Variants in MAP2K1 observed in about 807,000 individuals in gnomAD.
MAP2K1 encodes dual specificity mitogen-activated protein kinase kinase 1.
In MAP2K1, 16 loss-of-function variants were observed where a neutral mutation model predicts 46.3. The ratio of observed to expected loss-of-function variants is 0.35; its 90% confidence interval spans 0.23 to 0.52. The LOEUF (loss-of-function observed/expected upper bound fraction) is 0.52, where lower values mean the gene tolerates loss of function less well. MAP2K1 is among the 20% of genes least tolerant of loss of function. MAP2K1 has a pLI of 0.94. For synonymous variants in MAP2K1, 183 were observed against 185.6 expected (o/e 0.99, Z 0.11); for missense variants, 263 against 497.1 (o/e 0.53, Z 4.48).
At chr15:66,473,026 C>T (rs980733359) in intron 5 of MAP2K1, among the ~76,000 whole-genome samples, 12 of 152,196 alleles carry the variant, frequency 7.9e-5, no homozygotes, top group African/African-American at 1.9e-4. Context: ...AGCTAACTTC[C>T]GTTTCTTGAA....
At chr15:66,469,721 C>CACACACACACACACACACACACAT (rs1567021045) in intron 5 of MAP2K1, among the ~76,000 whole-genome samples, 7 of 144,620 alleles carry the variant, frequency 4.8e-5, no homozygotes, top group Non-Finnish European at 9.2e-5. Context: ...CACACACACA[C>CACACACACACACACACACACACAT]ACATATCGGA....
intron 1 of MAP2K1, among the ~76,000 whole-genome samples, chr15:66,396,451 G>A (rs914227757): frequency 3.3e-5 from 5 of 151,670 alleles, no homozygotes; most frequent in African/African-American, 9.7e-5. Flanking sequence ...TTTATTTTTA[G>A]TAGAGACAGG....
Position 66,415,467 on chromosome 15 carries a change from GC to G in MAP2K1, c.81-19557del, listed in dbSNP as rs372122825. Among the ~76,000 whole-genome samples the G allele has an allele frequency of 1.9e-3, 293 of 152,294 alleles. 1 individual carries two copies. The highest frequency in any genetic ancestry group is 6.9e-3 in the African/African-American group (285 of 41,572). ...TGTGGTAAGTCAGATCCCTCTGGAT[GC>G]CCAGCCAGAAACCTGGCATCACCCT... On this transcript the variant is annotated intron_variant, in intron 1 of 10. Transcript: ENST00000307102.
chr15:66,447,416 G>A (rs929865350), intron 5 of MAP2K1, among the ~76,000 whole-genome samples: 4 of 152,036 alleles, frequency 2.6e-5, no homozygotes, highest in Non-Finnish European at 5.9e-5. Context: ...TTAGCTGGGC[G>A]TAGTGGCTCA....
In MAP2K1 at chr15:66,489,023, A is replaced by G. The variant is rs193069195; in HGVS notation, c.961-192A>G. The G allele has an allele frequency of 4.8e-4, 303 of 634,206 alleles. 6 individuals are homozygous for G. The East Asian group carries it at 7.9e-3, about 17-fold the overall frequency. The allele number at this position is 634,206 out of a possible 1,614,324, so 39.3% of individuals were successfully genotyped here. ...GCTATTTGAGATCAGTGGTTCCAAC[A>G]TGGTTACCCAACAGGCAGCACTGGC... On this transcript the variant is annotated intron_variant, in intron 8 of 10. Coordinates refer to ENST00000307102, the MANE Select transcript of MAP2K1 (RefSeq NM_002755.4).
chr15:66,437,040 A>G (rs375836705), intron 3 of MAP2K1, 148 bp downstream of exon 3: 5 of 857,496 alleles, frequency 5.8e-6, no homozygotes, highest in South Asian at 5.5e-5. Context: ...GTCTAACTGT[A>G]GAGCTTGGGA....
chr15:66,444,355 G>GA (rs1235512545), intron 4 of MAP2K1, among the ~76,000 whole-genome samples: 2 of 150,694 alleles, frequency 1.3e-5, no homozygotes, highest in African/African-American at 4.9e-5. Context: ...CAAACATGGA[G>GA]AAACCCCATC....
chr15:66,443,673 C>T (rs1891781643), intron 4 of MAP2K1, among the ~76,000 whole-genome samples: 1 of 152,066 alleles, frequency 6.6e-6, no homozygotes, highest in Non-Finnish European at 1.5e-5. Context: ...GAGTTCAACT[C>T]CAGCCTGGGC....
chr15:66,489,673 ACCAGTG>A, intron 9 of MAP2K1, 39 bp from the exon 10 acceptor site: 1 of 1,470,596 alleles, frequency 6.8e-7, no homozygotes, highest in Non-Finnish European at 9.5e-7. Flanking sequence ...TTGAGCTAGA[ACCAGTG>A]CCAGGCAACA....
chr15:66,404,802 A>G (rs1380345943), intron 1 of MAP2K1, among the ~76,000 whole-genome samples: 1 of 152,158 alleles, frequency 6.6e-6, no homozygotes, highest in Non-Finnish European at 1.5e-5. Flanking sequence ...AGCGGAAATC[A>G]GTGGTTCCTG....
At chr15:66,408,312 G>A (rs1015628502) in intron 1 of MAP2K1, among the ~76,000 whole-genome samples, 5 of 152,120 alleles carry the variant, frequency 3.3e-5, no homozygotes, top group East Asian at 1.9e-4. Context: ...AGACAACACC[G>A]GGCATACTTG....
At chr15:66,441,855 T>C (rs2093504857) in intron 3 of MAP2K1, among the ~76,000 whole-genome samples, 2 of 152,202 alleles carry the variant, frequency 1.3e-5, no homozygotes, top group South Asian at 4.1e-4. Context: ...AGAAAATTTG[T>C]TTTGAGTTTT....
intron 1 of MAP2K1, among the ~76,000 whole-genome samples, chr15:66,421,838 A>T (rs1439121866): frequency 6.7e-6 from 1 of 149,504 alleles, no homozygotes; most frequent in African/African-American, 2.4e-5. Context: ...AACCAATTCT[A>T]TACCATTGTT....
chr15:66,390,647 A>G (rs900115639), intron 1 of MAP2K1, among the ~76,000 whole-genome samples: 1 of 152,202 alleles, frequency 6.6e-6, no homozygotes, highest in Admixed American at 6.5e-5. Context: ...GCATATTACT[A>G]GGGTCTTAAG....
intron 6 of MAP2K1, among the ~76,000 whole-genome samples, chr15:66,482,692 TGTG>T (rs1201131394): frequency 1.3e-5 from 2 of 152,122 alleles, no homozygotes; most frequent in Non-Finnish European, 2.9e-5. Flanking sequence ...GGGCCTGGCA[TGTG>T]GTAGGTGTTC....
intron 5 of MAP2K1, among the ~76,000 whole-genome samples, chr15:66,463,528 G>A (rs1799296693): frequency 1.3e-5 from 2 of 152,166 alleles, no homozygotes; most frequent in Non-Finnish European, 2.9e-5. Flanking sequence ...TGTTGCCCAA[G>A]CTGGAGTGCA....
intron 1 of MAP2K1, among the ~76,000 whole-genome samples, chr15:66,420,787 ATGTGTG>A (rs530839444): frequency 3.3e-4 from 16 of 48,748 alleles, no homozygotes; most frequent in South Asian, 9.6e-4. Context: ...GTGTATATAT[ATGTGTG>A]TATATATATG....
intron 1 of MAP2K1, among the ~76,000 whole-genome samples, chr15:66,407,409 G>A (rs553079029): frequency 3.9e-5 from 6 of 152,270 alleles, no homozygotes; most frequent in African/African-American, 1.2e-4. Context: ...TAGTGCTTTG[G>A]AATAACAGTC....
intron 5 of MAP2K1, among the ~76,000 whole-genome samples, chr15:66,459,142 G>A (rs1305904271): frequency 6.6e-6 from 1 of 151,416 alleles, no homozygotes; most frequent in Admixed American, 6.6e-5. Context: ...GTGAAACCCC[G>A]TCTCTACTAA....
Sources: gnomAD v4.1 joint callset for allele counts (sites outside exome capture counted in the v4.1 genomes callset) on GRCh38, gnomAD v4.1.1 for gene constraint, MANE v1.5 for transcripts, NCBI Gene and HGNC (gene_info 2026-07-23, HGNC 2026-07-21) for gene names.